The following MYO16 variants were observed in gnomAD, a reference collection of about 807,000 sequenced individuals.
The protein encoded by MYO16 is myosin XVI, also known as unconventional myosin-XVI.
MYO16 carries 94 observed loss-of-function variants against 205.3 expected under a neutral mutation model. That is an observed-to-expected ratio of 0.46 (90% CI 0.39 to 0.54). The LOEUF (loss-of-function observed/expected upper bound fraction) is 0.54. MYO16 is among the 20% of genes least tolerant of loss of function. The probability of loss-of-function intolerance (pLI) is 0.00; values close to 1 mark genes in which losing one functional copy is unlikely to be tolerated. For missense variants in MYO16, 2,315 were observed against 2,387.5 expected, an observed-to-expected ratio of 0.97 and a Z score of 0.63; for synonymous variants, 988 against 954.0, an observed-to-expected ratio of 1.04 and a Z score of -0.66.
chr13:108,710,332 C>T (rs761754642), intron 2 of MYO16, among the ~76,000 whole-genome samples: 8 of 152,120 alleles, frequency 5.3e-5, no homozygotes, highest in Non-Finnish European at 8.8e-5. Context: ...TTGTATATTT[C>T]CCCCTTTGTT....
chr13:108,971,280 G>T (rs978103240), intron 20 of MYO16, among the ~76,000 whole-genome samples: 4 of 151,282 alleles, frequency 2.6e-5, no homozygotes, highest in South Asian at 2.1e-4. Flanking sequence ...TTCTCCAAAT[G>T]CCTTCAAACA....
chr13:108,524,065 C>T, the MYO16 span, among the ~76,000 whole-genome samples: 2 of 152,028 alleles, frequency 1.3e-5, no homozygotes, highest in African/African-American at 4.8e-5. Flanking sequence ...TTTGGGAGGC[C>T]GAGGTGGGTG....
intron 4 of MYO16, among the ~76,000 whole-genome samples, chr13:108,770,105 G>A (rs1474910087): frequency 6.6e-6 from 1 of 152,050 alleles, no homozygotes; most frequent in Non-Finnish European, 1.5e-5. Context: ...AAATTTTGAT[G>A]ATAAACTACT....
intron 1 of MYO16, among the ~76,000 whole-genome samples, chr13:108,622,845 T>C (rs1879595733): frequency 6.6e-6 from 1 of 151,998 alleles, no homozygotes; most frequent in Non-Finnish European, 1.5e-5. Context: ...AAAGCCCCAC[T>C]ATTCAAAAAG....
rs889193504 is a variant in MYO16 at position 108,932,478 on chromosome 13, C to T, written c.1925+22328C>T. Among the ~76,000 whole-genome samples, 9 of 152,118 alleles carry T rather than the reference C, an allele frequency of 5.9e-5. No homozygotes were observed. In the South Asian group the frequency reaches 6.2e-4, roughly 11 times the overall value. ...TTGCTTTGGCATTGGTCAAGGCCTCCGGAGTGTTACCAACCAAGGACTATT... is the reference window on the plus strand; with the variant it reads ...TTGCTTTGGCATTGGTCAAGGCCTCTGGAGTGTTACCAACCAAGGACTATT... On this transcript the variant is annotated intron_variant, in intron 16 of 34. Transcript: ENST00000457511.
chr13:109,027,406 G>A (rs917380756), intron 23 of MYO16, among the ~76,000 whole-genome samples: 1 of 152,184 alleles, frequency 6.6e-6, no homozygotes, highest in Non-Finnish European at 1.5e-5. Flanking sequence ...AGCCACTACA[G>A]GCTAGCAGTG....
chr13:108,571,643 T>C, the MYO16 span, among the ~76,000 whole-genome samples: 1 of 152,028 alleles, frequency 6.6e-6, no homozygotes, highest in African/African-American at 2.4e-5. Context: ...GTCTTGTGGG[T>C]TCTCTGGCTG....
chr13:108,962,916 A>C (rs1883643600), intron 19 of MYO16, among the ~76,000 whole-genome samples: 1 of 152,254 alleles, frequency 6.6e-6, no homozygotes, highest in East Asian at 1.9e-4. Context: ...TAAAAATTGT[A>C]GTGTTTGAAT....
chr13:108,805,949 T>G (rs1032870037), intron 6 of MYO16, among the ~76,000 whole-genome samples: 1 of 151,002 alleles, frequency 6.6e-6, no homozygotes. Context: ...AATAAATAAA[T>G]AAATAAATAA....
At chr13:109,080,571 C>A (rs1888251306) in intron 27 of MYO16, among the ~76,000 whole-genome samples, 1 of 91,796 alleles carries the variant, frequency 1.1e-5, no homozygotes, top group Non-Finnish European at 2.5e-5. Flanking sequence ...ACATTCTGTG[C>A]CCCTCTTCAA....
In MYO16 at chr13:108,694,513, C is replaced by T. The variant is rs1431174190; in HGVS notation, c.293-18148C>T. Among the ~76,000 whole-genome samples the T allele has an allele frequency of 7.2e-5, 11 of 152,018 alleles. No homozygotes were observed. The East Asian group carries it at 1.4e-3, about 19-fold the overall frequency. On this transcript the variant is annotated intron_variant, in intron 2 of 34. Coordinates refer to ENST00000457511, the MANE Select transcript of MYO16 (RefSeq NM_001198950.3). ...CAAGCATCTTTCATGTCTTGTTGGT[C>T]GTTTTTATCTCTTCTTTAGAGAAAA... is the stretch of plus-strand genomic sequence containing the variant.
intron 4 of MYO16, among the ~76,000 whole-genome samples, chr13:108,751,606 G>A (rs900212583): frequency 3.3e-5 from 5 of 152,074 alleles, no homozygotes; most frequent in Admixed American, 6.5e-5. Flanking sequence ...AGTATGGAAC[G>A]GGAGAAAAAC....
chr13:108,976,446 A>G (rs1884260705), intron 20 of MYO16, among the ~76,000 whole-genome samples: 1 of 152,286 alleles, frequency 6.6e-6, no homozygotes, highest in East Asian at 1.9e-4. Context: ...AACGTTTTTT[A>G]TGTATGTTTC....
intron 22 of MYO16, among the ~76,000 whole-genome samples, chr13:109,010,219 CT>C (rs1431890786): frequency 6.6e-6 from 1 of 152,176 alleles, no homozygotes; most frequent in East Asian, 1.9e-4. Flanking sequence ...GCAATCTCTT[CT>C]AAGCCGTTAC....
At chr13:108,976,947 C>T (rs2139405272) in intron 20 of MYO16, among the ~76,000 whole-genome samples, 1 of 152,270 alleles carries the variant, frequency 6.6e-6, no homozygotes, top group South Asian at 2.1e-4. Flanking sequence ...ATGATTACAA[C>T]TAAAAGCCAA....
chr13:109,147,371 T>C (rs906570302), intron 32 of MYO16, among the ~76,000 whole-genome samples: 9 of 152,206 alleles, frequency 5.9e-5, no homozygotes, highest in Non-Finnish European at 1.3e-4. Flanking sequence ...TGCCCCTGAA[T>C]TACTCATGGA....
At chr13:108,752,652 T>C (rs149623708) in intron 4 of MYO16, among the ~76,000 whole-genome samples, 3,958 of 150,866 alleles carry the variant, frequency 0.026, 62 homozygotes, top group Non-Finnish European at 0.041. Flanking sequence ...CTTTTCTTTT[T>C]TTTTTTTGAG....
At chr13:108,912,284 G>A (rs1467658299) in intron 16 of MYO16, among the ~76,000 whole-genome samples, 1 of 152,130 alleles carries the variant, frequency 6.6e-6, no homozygotes, top group Non-Finnish European at 1.5e-5. Context: ...CAGGGCTATG[G>A]ATATGGTTTG....
At chr13:109,155,870 T>C (rs1359709205) in intron 32 of MYO16, among the ~76,000 whole-genome samples, 2 of 152,204 alleles carry the variant, frequency 1.3e-5, no homozygotes, top group Non-Finnish European at 2.9e-5. Context: ...GATTAGCCTC[T>C]GTGGTTCTTT....
Sources: gnomAD v4.1 joint callset for allele counts (sites outside exome capture counted in the v4.1 genomes callset) on GRCh38, gnomAD v4.1.1 for gene constraint, MANE v1.5 for transcripts, NCBI Gene and HGNC (gene_info 2026-07-23, HGNC 2026-07-21) for gene names.